EPHA7: variants seen among roughly 807,000 people sequenced by gnomAD.
EPHA7 encodes the protein EPH receptor A7, also known as ephrin type-A receptor 7.
In EPHA7, 25 loss-of-function variants were observed where a neutral mutation model predicts 112.6. The observed-to-expected ratio is 0.22, with a 90% CI of 0.16 to 0.31. The LOEUF is 0.31. Ranked by LOEUF, EPHA7 falls within the 10% of genes least tolerant of loss-of-function variation. The pLI, the probability that EPHA7 is intolerant of heterozygous loss-of-function variation, is 1.00. For missense variants in EPHA7, 962 were observed against 1,212.6 expected (o/e 0.79, Z 3.07); for synonymous variants, 437 against 406.5 (o/e 1.07, Z -0.90).
Position 93,306,036 on chromosome 6 carries a change from A to AT in EPHA7, c.1325-33615dup, listed in dbSNP as rs780612742. Reference sequence around the variant, plus strand: ...CAGAAATACTTGTTAATATTTTTACATAAAAAAGGGCAGTGTGAAAATCAC... The same window carrying AT: ...CAGAAATACTTGTTAATATTTTTACATTAAAAAAGGGCAGTGTGAAAATCAC... On this transcript the variant is annotated intron_variant, in intron 5 of 16. Transcript: ENST00000369303. Among the ~76,000 whole-genome samples the AT allele has an allele frequency of 3.9e-5, 6 of 152,116 alleles. No homozygotes were observed. In the East Asian group the frequency reaches 9.6e-4, roughly 24 times the overall value.
rs368624743 is a variant in EPHA7, at chr6:93,320,949, A to C, written c.1324+35768T>G. ...TATAAAATGTTATATAGTTAGCAAGATAGTTTGTGTATATTTTGTATCATG... is the reference window on the plus strand; with the variant it reads ...TATAAAATGTTATATAGTTAGCAAGCTAGTTTGTGTATATTTTGTATCATG... On this transcript the variant is annotated intron_variant, in intron 5 of 16. Transcript: ENST00000369303. Among the ~76,000 whole-genome samples, 15 of 152,044 alleles carry C rather than the reference A, an allele frequency of 9.9e-5. 2 individuals carry two copies. Among genetic ancestry groups the C allele is most frequent in the African/African-American group, 3.1e-4 (13 of 41,516 alleles).
intron 5 of EPHA7, among the ~76,000 whole-genome samples, chr6:93,297,638 G>A (rs1772740595): frequency 6.6e-6 from 1 of 152,056 alleles, no homozygotes; most frequent in Non-Finnish European, 1.5e-5. Context: ...TTCTTTGTAA[G>A]TGCCAGTTGC....
chr6:93,251,631 A>G (rs1049940093), intron 14 of EPHA7, among the ~76,000 whole-genome samples: 2 of 151,870 alleles, frequency 1.3e-5, no homozygotes, highest in African/African-American at 4.8e-5. Flanking sequence ...AAAAAAATCT[A>G]TATAGTAAAA....
At chr6:93,387,848 C>T (rs556977249) in intron 3 of EPHA7, among the ~76,000 whole-genome samples, 2 of 151,856 alleles carry the variant, frequency 1.3e-5, no homozygotes, top group Non-Finnish European at 2.9e-5. Flanking sequence ...GAGGTCCCTC[C>T]CCCAATACCG....
chr6:93,402,324 A>G (rs891300847), intron 3 of EPHA7, among the ~76,000 whole-genome samples: 29 of 152,062 alleles, frequency 1.9e-4, no homozygotes, highest in African/African-American at 6.5e-4. Context: ...ACAATGTTCT[A>G]ATTGGAAATT....
intron 16 of EPHA7, 37 bp from the exon 17 acceptor site, chr6:93,243,577 AC>A (rs1226130281): frequency 7.2e-7 from 1 of 1,384,746 alleles, no homozygotes; most frequent in Non-Finnish European, 1.0e-6. Context: ...TAGGTACCTT[AC>A]AAAGAATAAA....
In EPHA7 at chr6:93,413,306, T is replaced by C. The variant is rs148603759; in HGVS notation, c.162+1397A>G. 7.9e-3 allele frequency among the ~76,000 whole-genome samples: 1,205 copies of C among 152,086 alleles called. 25 individuals carry two copies. The highest frequency in any genetic ancestry group is 0.058 in the Admixed American group (880 of 15,272). On this transcript the variant is annotated intron_variant, in intron 2 of 16. Coordinates refer to ENST00000369303, the MANE Select transcript of EPHA7 (RefSeq NM_004440.4). ...TGTAGGGTTAACTGTTAAGATACTTTGGACTGATAAAATGCCCATTTGAGT... is the reference window on the plus strand; with the variant it reads ...TGTAGGGTTAACTGTTAAGATACTTCGGACTGATAAAATGCCCATTTGAGT...
At chr6:93,370,182 G>T (rs1026181783) in intron 3 of EPHA7, among the ~76,000 whole-genome samples, 1 of 152,092 alleles carries the variant, frequency 6.6e-6, no homozygotes, top group Non-Finnish European at 1.5e-5. Flanking sequence ...GGGGAGAAAA[G>T]GTCCAAGAGA....
rs1481878375 is a variant in EPHA7 at position 93,411,170 on chromosome 6, ACTGT to A, written c.163-4_163-1del. The stretch of plus-strand genomic sequence containing the variant: ...TCATCCAAACCACTAATTTCTTCCC[ACTGT>A]AAAATTTGAAAAAAGGTCATCAGTC... On this transcript the variant is annotated splice_acceptor_variant and splice_polypyrimidine_tract_variant and intron_variant, in intron 2 of 16. Coordinates refer to ENST00000369303, the MANE Select transcript of EPHA7 (RefSeq NM_004440.4). LOFTEE classifies it high-confidence loss of function. 6.3e-7 allele frequency: 1 copy of A among 1,597,576 alleles called. No individual in the cohort carries two copies. The highest frequency in any genetic ancestry group is 8.5e-7 in the Non-Finnish European group (1 of 1,171,692).
intron 5 of EPHA7, among the ~76,000 whole-genome samples, chr6:93,327,348 C>T (rs1278973657): frequency 6.6e-6 from 1 of 151,494 alleles, no homozygotes; most frequent in African/African-American, 2.4e-5. Context: ...CATCCAGTGC[C>T]CTGGCACTCA....
At chr6:93,260,813 AAGAG>A in intron 9 of EPHA7, 1 of 859,406 alleles carries the variant, frequency 1.2e-6, no homozygotes, top group Admixed American at 6.3e-5. Flanking sequence ...ACGAGAAGAA[AAGAG>A]AGAGGGGATA....
chr6:93,358,164 A>T, intron 4 of EPHA7, 92 bp downstream of exon 4: 1 of 979,046 alleles, frequency 1.0e-6, no homozygotes, highest in Non-Finnish European at 1.4e-6. Flanking sequence ...TTAAGAATGT[A>T]TCACAAATTC....
intron 3 of EPHA7, among the ~76,000 whole-genome samples, chr6:93,390,906 T>G (rs1315447638): frequency 6.6e-6 from 1 of 151,938 alleles, no homozygotes; most frequent in Non-Finnish European, 1.5e-5. Flanking sequence ...TAAATTGAAT[T>G]GGTTTTAATT....
chr6:93,392,343 G>A (rs1777950407), intron 3 of EPHA7, among the ~76,000 whole-genome samples: 1 of 151,868 alleles, frequency 6.6e-6, no homozygotes, highest in Non-Finnish European at 1.5e-5. Flanking sequence ...TACCTTTTCA[G>A]TTGTCCTGAC....
rs1345872029 is a variant in EPHA7, at chr6:93,275,832, TA to T, written c.1325-3411del. Among the ~76,000 whole-genome samples the T allele has an allele frequency of 3.3e-5, 5 of 152,134 alleles. No homozygotes were observed. The East Asian group carries it at 7.7e-4, about 24-fold the overall frequency. On this transcript the variant is annotated intron_variant, in intron 5 of 16. Coordinates refer to ENST00000369303, the MANE Select transcript of EPHA7 (RefSeq NM_004440.4). ...ACAGACCTGAACCAATCAGCATTTT[TA>T]CAGATTTTGAGCTTCAAGCACTCAT...
At chr6:93,370,184 T>C (rs1776719111) in intron 3 of EPHA7, among the ~76,000 whole-genome samples, 1 of 152,034 alleles carries the variant, frequency 6.6e-6, no homozygotes, top group Non-Finnish European at 1.5e-5. Flanking sequence ...GGAGAAAAGG[T>C]CCAAGAGAAG....
intron 3 of EPHA7, among the ~76,000 whole-genome samples, chr6:93,384,781 C>A (rs548857318): frequency 1.3e-5 from 2 of 152,124 alleles, no homozygotes; most frequent in Admixed American, 1.3e-4. Context: ...TGTTATTGAA[C>A]GATTTGTCTT....
At chr6:93,367,660 C>T (rs1055025153) in intron 3 of EPHA7, among the ~76,000 whole-genome samples, 5 of 152,000 alleles carry the variant, frequency 3.3e-5, no homozygotes, top group East Asian at 1.9e-4. Context: ...TCTCCTAGTA[C>T]GTATTCACTG....
chr6:93,261,156 A>T (rs1252194529), intron 9 of EPHA7, among the ~76,000 whole-genome samples: 1 of 151,716 alleles, frequency 6.6e-6, no homozygotes, highest in East Asian at 1.9e-4. Flanking sequence ...AAGAAATGGT[A>T]GGAGGAAACA....
Sources: gnomAD v4.1 joint callset for allele counts (sites outside exome capture counted in the v4.1 genomes callset) on GRCh38, gnomAD v4.1.1 for gene constraint, MANE v1.5 for transcripts, NCBI Gene and HGNC (gene_info 2026-07-23, HGNC 2026-07-21) for gene names.